The following RHD variants were observed in gnomAD, a reference collection of about 807,000 sequenced individuals.
RHD encodes the protein Rh blood group D antigen.
In RHD, 16 loss-of-function variants were observed where a neutral mutation model predicts 45.5. The ratio of observed to expected loss-of-function variants is 0.35; its 90% CI spans 0.24 to 0.53. The LOEUF (loss-of-function observed/expected upper bound fraction) is 0.53. RHD is among the 20% of genes least tolerant of loss of function. The probability of loss-of-function intolerance (pLI) is 0.92; values close to 1 mark genes in which losing one functional copy is unlikely to be tolerated. For synonymous variants in RHD, 131 were observed against 217.5 expected, an observed-to-expected ratio of 0.60 and a Z score of 3.50; for missense variants, 306 against 532.0, an observed-to-expected ratio of 0.58 and a Z score of 4.18.
At position 25,306,688 on chromosome 1, in the gene RHD, T is replaced by C. The variant is rs1374487872; in HGVS notation, c.1032T>C (p.Ile344=). Residue 344 remains isoleucine, a synonymous_variant, in exon 7 of 10, where the codon ATT becomes ATC. Coordinates refer to ENST00000328664, the MANE Select transcript of RHD (RefSeq NM_016124.6). ...LLGLLGEIIY[I]VLLVLDTVGA... Reference sequence around the variant, plus strand: ...GTCTGCTTGGAGAGATCATCTACATTGTGCTGCTGGTGCTTGATACCGTCG... The same window carrying C: ...GTCTGCTTGGAGAGATCATCTACATCGTGCTGCTGGTGCTTGATACCGTCG... The C allele has an allele frequency of 2.2e-6, 3 of 1,378,440 alleles. No homozygotes were observed. The Admixed American group carries it at 5.3e-5, about 25-fold the overall frequency. The allele number at this position is 1,378,440 out of a possible 1,614,324, so 85.4% of individuals were successfully genotyped here. A position where few individuals can be genotyped will look rare whatever the true frequency, so the allele number is the denominator to read the frequency against.
In RHD at chr1:25,310,168, G is replaced by A. The variant is rs1571708211; in HGVS notation, c.1073+3439G>A. Reference sequence around the variant, plus strand: ...GCATCAGTCAGTTTTGTCTGTTTTTGTACATTATATATGTGATGGTTTGAA... The same window carrying A: ...GCATCAGTCAGTTTTGTCTGTTTTTATACATTATATATGTGATGGTTTGAA... On this transcript the variant is annotated intron_variant, in intron 7 of 9. Coordinates refer to ENST00000328664, the MANE Select transcript of RHD (RefSeq NM_016124.6). Among the ~76,000 whole-genome samples, 6 of 132,768 alleles carry A rather than the reference G, an allele frequency of 4.5e-5. 2 individuals are homozygous for A. In the South Asian group the frequency reaches 1.4e-3, roughly 31 times the overall value. The allele number at this position is 132,768 out of a possible 152,430, so 87.1% of individuals were successfully genotyped here. A position where few individuals can be genotyped will look rare whatever the true frequency, so the allele number is the denominator to read the frequency against.
At chr1:25,323,455 A>G (rs201200089) in intron 9 of RHD, among the ~76,000 whole-genome samples, 1,832 of 112,016 alleles carry the variant, frequency 0.016, 89 homozygotes, top group South Asian at 0.028. Context: ...TAAGGTTTGC[A>G]TTTTCTGTAA....
At position 25,303,734 on chromosome 1, in the gene RHD, T is replaced by C. The variant is rs1487354725; in HGVS notation, c.939+275T>C. ...TGTCACAGAACTCAAGGACAGGGAC[T>C]GGAGTGTTGTGGGGAGCCCCGAAGC... On this transcript the variant is annotated intron_variant, in intron 6 of 9. Coordinates refer to ENST00000328664, the MANE Select transcript of RHD (RefSeq NM_016124.6). 1.5e-5 allele frequency among the ~76,000 whole-genome samples: 2 copies of C among 131,784 alleles called. 1 individual carries two copies. The highest frequency in any genetic ancestry group is 3.6e-5 in the Non-Finnish European group (2 of 55,634). The allele number at this position is 131,784 out of a possible 152,430, so 86.5% of individuals were successfully genotyped here. A position where few individuals can be genotyped will look rare whatever the true frequency, so the allele number is the denominator to read the frequency against.
Position 25,318,703 on chromosome 1 carries a change from CAAATA to C in RHD, c.1153+1626_1153+1630del, listed in dbSNP as rs1557563884. On this transcript the variant is annotated intron_variant, in intron 8 of 9. Coordinates refer to ENST00000328664, the MANE Select transcript of RHD (RefSeq NM_016124.6). ...GTGTCCCTAAGCAGGAGGTGAATGC[CAAATA>C]AGAGACAAATGGCGTAAGACACTAT... is the stretch of plus-strand genomic sequence containing the variant. Among the ~76,000 whole-genome samples the C allele has an allele frequency of 3.0e-5, 4 of 132,682 alleles. 1 individual carries two copies. In the East Asian group the frequency reaches 7.8e-4, roughly 26 times the overall value. 87.0% of individuals were successfully genotyped at this position (132,682 alleles called of 152,430 possible).
rs1472906358 is a variant in RHD, at chr1:25,278,153, T to C, written c.148+5458T>C. The stretch of plus-strand genomic sequence containing the variant: ...GATGGGCAGGGGCAGTGGAGGAGAT[T>C]CTAGAGATATTTAGGAGATAAGTCA... On this transcript the variant is annotated intron_variant, in intron 1 of 9. Coordinates refer to ENST00000328664, the MANE Select transcript of RHD (RefSeq NM_016124.6). Among the ~76,000 whole-genome samples the C allele has an allele frequency of 2.3e-5, 3 of 128,972 alleles. No individual in the cohort carries two copies. In the East Asian group the frequency reaches 5.9e-4, roughly 25 times the overall value. 84.6% of individuals were successfully genotyped at this position (128,972 alleles called of 152,430 possible). A position where few individuals can be genotyped will look rare whatever the true frequency, so the allele number is the denominator to read the frequency against.
At chr1:25,286,003 T>C (rs1641955349) in intron 2 of RHD, among the ~76,000 whole-genome samples, 1 of 134,824 alleles carries the variant, frequency 7.4e-6, no homozygotes, top group Non-Finnish European at 1.8e-5. Context: ...TAACCTGGTA[T>C]ACAGGTAAGG....
At position 25,321,905 on chromosome 1, in the gene RHD, T is replaced by C. The variant is rs1132772; in HGVS notation, c.1170T>C (p.Leu390=). ...SGLLTGLLLN[L]KIWKAPHEAK... Reference sequence around the variant, plus strand: ...TTTAAACAGGTTTGCTCCTAAATCTTAAAATATGGAAAGCACCTCATGAGG... The same window carrying C: ...TTTAAACAGGTTTGCTCCTAAATCTCAAAATATGGAAAGCACCTCATGAGG... The change falls in exon 9 of 10, where the codon CTT becomes CTC. Residue 390 remains leucine, a synonymous_variant. Transcript: ENST00000328664. 1.1e-4 allele frequency: 140 copies of C among 1,323,302 alleles called. 24 individuals are homozygous for C. Among genetic ancestry groups the C allele is most frequent in the East Asian group, 9.7e-4 (43 of 44,370 alleles). The allele number at this position is 1,323,302 out of a possible 1,614,324, so 82.0% of individuals were successfully genotyped here. A position where few individuals can be genotyped will look rare whatever the true frequency, so the allele number is the denominator to read the frequency against.
In RHD at chr1:25,329,779, G is replaced by C. The variant is rs28744664; in HGVS notation, c.*855G>C. On this transcript the variant is annotated 3_prime_UTR_variant, in exon 10 of 10. Transcript: ENST00000328664. The stretch of plus-strand genomic sequence containing the variant: ...AGCAATTCTCCTGCCTCAGCCTCCC[G>C]AGTAGCTGGAATTACAAGTGCGCAC... The C allele has an allele frequency of 7.0e-5, 9 of 129,226 alleles. 2 individuals are homozygous for C. The highest frequency in any genetic ancestry group is 1.6e-4 in the African/African-American group (6 of 37,786). 8.0% of individuals were successfully genotyped at this position (129,226 alleles called of 1,614,324 possible).
chr1:25,315,979 G>C lies in RHD; in HGVS notation c.1074-1021G>C, dbSNP rs150464482. 1.6e-4 allele frequency among the ~76,000 whole-genome samples: 21 copies of C among 131,448 alleles called. 4 individuals carry two copies. Among genetic ancestry groups the C allele is most frequent in the East Asian group, 7.8e-4 (4 of 5,106 alleles). The allele number at this position is 131,448 out of a possible 152,430, so 86.2% of individuals were successfully genotyped here. A position where few individuals can be genotyped will look rare whatever the true frequency, so the allele number is the denominator to read the frequency against. On this transcript the variant is annotated intron_variant, in intron 7 of 9. Transcript: ENST00000328664. ...CATGAGGCTGCAGGCTTGGAGCTTT[G>C]CTTTGTCTTAAAAATGAGAACATGA...
chr1:25,281,261 T>C lies in RHD; in HGVS notation c.149-3312T>C. On this transcript the variant is annotated intron_variant, in intron 1 of 9. Transcript: ENST00000328664. ...CCAGGTTAGATTTTCTTTCTCCAAG[T>C]TGTGGAGCTTTCATAAACTTTTCCT... 1.5e-5 allele frequency among the ~76,000 whole-genome samples: 2 copies of C among 129,144 alleles called. 1 individual carries two copies. The highest frequency in any genetic ancestry group is 3.6e-5 in the Non-Finnish European group (2 of 55,628). 84.7% of individuals were successfully genotyped at this position (129,144 alleles called of 152,430 possible).
chr1:25,286,340 T>C (rs1299725825), intron 2 of RHD, among the ~76,000 whole-genome samples: 1 of 134,692 alleles, frequency 7.4e-6, no homozygotes, highest in Non-Finnish European at 1.8e-5. Context: ...AATAGAAAAA[T>C]CAGCTAGGCG....
Position 25,311,945 on chromosome 1 carries a change from G to T in RHD, c.1074-5055G>T, listed in dbSNP as rs1377601849. Among the ~76,000 whole-genome samples the T allele has an allele frequency of 1.9e-4, 25 of 130,196 alleles. 7 individuals carry two copies. The highest frequency in any genetic ancestry group is 3.7e-4 in the Admixed American group (5 of 13,556). 85.4% of individuals were successfully genotyped at this position (130,196 alleles called of 152,430 possible). A position where few individuals can be genotyped will look rare whatever the true frequency, so the allele number is the denominator to read the frequency against. ...CCCAGAGAGCCCCTAGTAGAGCAGG[G>T]TCTAGTGGAGCTACAAGGGTGGGGC... On this transcript the variant is annotated intron_variant, in intron 7 of 9. Transcript: ENST00000328664.
rs1439310646 is a variant in RHD at position 25,298,686 on chromosome 1, A to C, written c.487-2260A>C. On this transcript the variant is annotated intron_variant, in intron 3 of 9. Transcript: ENST00000328664. Reference sequence around the variant, plus strand: ...CTTTTTACCATCATTTGTTCCCTTCACAAATATTTATTTGGTATTTACTAT... The same window carrying C: ...CTTTTTACCATCATTTGTTCCCTTCCCAAATATTTATTTGGTATTTACTAT... Among the ~76,000 whole-genome samples, 6 of 131,474 alleles carry C rather than the reference A, an allele frequency of 4.6e-5. 2 individuals carry two copies. The highest frequency in any genetic ancestry group is 1.3e-4 in the African/African-American group (5 of 38,128). The allele number at this position is 131,474 out of a possible 152,430, so 86.3% of individuals were successfully genotyped here.
chr1:25,311,520 G>A (rs2478028), intron 7 of RHD, among the ~76,000 whole-genome samples: 79,858 of 126,758 alleles, frequency 0.63, 32,000 homozygotes, highest in South Asian at 0.86. Flanking sequence ...GCAAAACTCC[G>A]TCTCAAAAAG....
intron 7 of RHD, among the ~76,000 whole-genome samples, chr1:25,309,054 C>A (rs1644003158): frequency 7.6e-6 from 1 of 131,900 alleles, no homozygotes; most frequent in South Asian, 2.3e-4. Context: ...GGATTAAGCG[C>A]AAAGTCACAA....
In RHD at chr1:25,301,566, G is replaced by T. The variant is rs1275319383; in HGVS notation, c.681G>T (p.Leu227=). 3 of 1,379,496 alleles carry T rather than the reference G, an allele frequency of 2.2e-6. No homozygotes were observed. The allele number at this position is 1,379,496 out of a possible 1,614,324, so 85.5% of individuals were successfully genotyped here. A position where few individuals can be genotyped will look rare whatever the true frequency, so the allele number is the denominator to read the frequency against. Residue 227 remains leucine, a synonymous_variant, in exon 5 of 10, where the codon CTG becomes CTT. Coordinates refer to ENST00000328664, the MANE Select transcript of RHD (RefSeq NM_016124.6). The part of the protein sequence containing the change: ...WMFWPSFNSA[L]LRSPIERKNA... ...TCTGGCCAAGTTTCAACTCTGCTCT[G>T]CTGAGAAGTCCAATCGAAAGGAAGA...
chr1:25,315,622 G>A lies in RHD; in HGVS notation c.1074-1378G>A, dbSNP rs1317641763. ...CGCCGTTCTCCTGCCTCAGCCTCCT[G>A]AGTAGCTGGGACTACAGGCGCCTGC... On this transcript the variant is annotated intron_variant, in intron 7 of 9. Coordinates refer to ENST00000328664, the MANE Select transcript of RHD (RefSeq NM_016124.6). Among the ~76,000 whole-genome samples, 4 of 124,968 alleles carry A rather than the reference G, an allele frequency of 3.2e-5. 2 individuals are homozygous for A. Among genetic ancestry groups the A allele is most frequent in the Non-Finnish European group, 7.5e-5 (4 of 53,518 alleles). The allele number at this position is 124,968 out of a possible 152,430, so 82.0% of individuals were successfully genotyped here.
rs1644627203 is a variant in RHD, at chr1:25,320,221, A to G, written c.1154-1668A>G. 3.0e-5 allele frequency among the ~76,000 whole-genome samples: 4 copies of G among 131,974 alleles called. 1 individual carries two copies. The highest frequency in any genetic ancestry group is 3.0e-4 in the Admixed American group (4 of 13,508). The allele number at this position is 131,974 out of a possible 152,430, so 86.6% of individuals were successfully genotyped here. On this transcript the variant is annotated intron_variant, in intron 8 of 9. Transcript: ENST00000328664. ...CCGACAAATTCTTAAAACTGGACAC[A>G]AGAACACAAAACGCTTGGGCTGCTG...
rs1369319487 is a variant in RHD, at chr1:25,318,049, G to A, written c.1153+970G>A. On this transcript the variant is annotated intron_variant, in intron 8 of 9. Transcript: ENST00000328664. Reference sequence around the variant, plus strand: ...GCCAGGTGAAAATATGTGGCTAGGTGCAGTGGCTCATACCTGTAATTGCAG... The same window carrying A: ...GCCAGGTGAAAATATGTGGCTAGGTACAGTGGCTCATACCTGTAATTGCAG... 7 of 131,692 alleles carry A rather than the reference G, an allele frequency of 5.3e-5. 1 individual carries two copies. The highest frequency in any genetic ancestry group is 2.0e-4 in the East Asian group (1 of 5,116). 8.2% of individuals were successfully genotyped at this position (131,692 alleles called of 1,614,324 possible). A position where few individuals can be genotyped will look rare whatever the true frequency, so the allele number is the denominator to read the frequency against.
Sources: allele counts gnomAD v4.1 joint callset (sites outside exome capture counted in the v4.1 genomes callset), GRCh38; gene constraint gnomAD v4.1.1; transcripts MANE v1.5; gene names NCBI Gene and HGNC (gene_info 2026-07-23, HGNC 2026-07-21).